Variants in PRAG1 observed in about 807,000 individuals in gnomAD.
PRAG1 encodes the protein PEAK1 related, kinase-activating pseudokinase 1, also known as inactive tyrosine-protein kinase PRAG1.
A neutral mutation model predicts 95.6 loss-of-function variants in PRAG1; 110 were observed. The ratio of observed to expected loss-of-function variants is 1.15; its 90% CI spans 0.99 to 1.35. PRAG1 has a LOEUF of 1.35. Ranked by LOEUF, PRAG1 falls within the 40% of genes most tolerant of loss-of-function variation. The probability of loss-of-function intolerance (pLI) is 0.00; values close to 1 mark genes in which losing one functional copy is unlikely to be tolerated. For missense variants in PRAG1, 2,554 were observed against 1,864.7 expected (o/e 1.37, Z -6.81); for synonymous variants, 1,052 against 819.4 (o/e 1.28, Z -4.85).
Position 8,381,705 on chromosome 8 carries a change from A to G in PRAG1, c.43T>C (p.Ser15Pro). ...LCLNPESLKM[S>P]ACSDFVEHIW... ...TGCTCCACAAAGTCACTGCACGCAGACATTTTCAGGCTCTCGGGGTTCAGG... is the reference window on the plus strand; with the variant it reads ...TGCTCCACAAAGTCACTGCACGCAGGCATTTTCAGGCTCTCGGGGTTCAGG... The change falls in exon 2 of 6, where the codon TCT becomes CCT. Residue 15 changes from serine to proline, a missense_variant. By Grantham distance (74) the Ser-to-Pro change is moderately conservative. Coordinates refer to ENST00000615670, the MANE Select transcript of PRAG1 (RefSeq NM_001080826.3). 1 of 1,607,148 alleles carries G rather than the reference A, an allele frequency of 6.2e-7. No individual in the cohort carries two copies. The highest frequency in any genetic ancestry group is 1.1e-5 in the South Asian group (1 of 90,758).
chr8:8,330,348 A>G (rs1258956287), intron 4 of PRAG1, among the ~76,000 whole-genome samples: 1 of 152,236 alleles, frequency 6.6e-6, no homozygotes. Context: ...CCTGGGCTAT[A>G]GAGTGAGACT....
rs553232509 is a variant in PRAG1 at position 8,369,392 on chromosome 8, A to G, written c.2162+6855T>C. On this transcript the variant is annotated intron_variant, in intron 3 of 5. Transcript: ENST00000615670. ...AAAAGATACACTGTGTTAACAGCCA[A>G]AATGGAGGCCTGTACAGAGTACTGG... Among the ~76,000 whole-genome samples, 28 of 152,302 alleles carry G rather than the reference A, an allele frequency of 1.8e-4. 1 individual carries two copies. Among genetic ancestry groups the G allele is most frequent in the Middle Eastern group, 6.8e-3 (2 of 294 alleles).
chr8:8,332,696 G>A (rs938301480), intron 4 of PRAG1, among the ~76,000 whole-genome samples: 1 of 131,388 alleles, frequency 7.6e-6, no homozygotes, highest in Non-Finnish European at 1.5e-5. Flanking sequence ...TAATACTCTT[G>A]GGGATACTTT....
chr8:8,338,184 C>A (rs1412998900), intron 4 of PRAG1, among the ~76,000 whole-genome samples: 1 of 152,210 alleles, frequency 6.6e-6, no homozygotes, highest in African/African-American at 2.4e-5. Flanking sequence ...TGCCCAATAT[C>A]CTACCATATC....
intron 4 of PRAG1, among the ~76,000 whole-genome samples, chr8:8,338,741 G>A (rs1799071532): frequency 6.6e-6 from 1 of 152,168 alleles, no homozygotes; most frequent in Admixed American, 6.5e-5. Context: ...ATTGCCTATT[G>A]AGAAGAAATA....
intron 1 of PRAG1, among the ~76,000 whole-genome samples, chr8:8,382,326 G>A (rs1800706222): frequency 6.6e-6 from 1 of 152,226 alleles, no homozygotes; most frequent in South Asian, 2.1e-4. Flanking sequence ...GAGAGGGGAG[G>A]CAGCTTTAGG....
intron 3 of PRAG1, among the ~76,000 whole-genome samples, chr8:8,373,874 T>C (rs1351026325): frequency 6.6e-6 from 1 of 152,210 alleles, no homozygotes; most frequent in Non-Finnish European, 1.5e-5. Context: ...CATAACAAAC[T>C]GGGCCGAAAA....
intron 4 of PRAG1, among the ~76,000 whole-genome samples, chr8:8,332,635 C>T (rs1313684421): frequency 3.3e-5 from 5 of 150,532 alleles, no homozygotes; most frequent in Non-Finnish European, 7.4e-5. Context: ...CCCCACCCCA[C>T]CACCTCCAGG....
Position 8,376,847 on chromosome 8 carries a change from T to C in PRAG1, c.1562A>G (p.Gln521Arg), listed in dbSNP as rs770409168. ...ATGGCTTTCCCTGGAGCTCAGCCCC[T>C]GCCCAGCCGAAGTCTCCTCTTCACC... ...EVGEEETSAG[Q>R]GLSSRESHAH... Residue 521 changes from glutamine to arginine, a missense_variant, in exon 3 of 6, where the codon CAG becomes CGG. By Grantham distance (43) the Gln-to-Arg change is conservative. Coordinates refer to ENST00000615670, the MANE Select transcript of PRAG1 (RefSeq NM_001080826.3). 2 of 1,612,852 alleles carry C rather than the reference T, an allele frequency of 1.2e-6. No individual in the cohort carries two copies. Among genetic ancestry groups the C allele is most frequent in the Non-Finnish European group, 1.7e-6 (2 of 1,180,016 alleles).
At position 8,381,560 on chromosome 8, in the gene PRAG1, C is replaced by T. The variant is rs1290584801; in HGVS notation, c.188G>A (p.Arg63Lys). 6.2e-7 allele frequency: 1 copy of T among 1,614,208 alleles called. No homozygotes were observed. Among genetic ancestry groups the T allele is most frequent in the Admixed American group, 1.7e-5 (1 of 60,032 alleles). Residue 63 changes from arginine to lysine, a missense_variant, in exon 2 of 6, where the codon AGG (arginine) becomes AAG (lysine). Physicochemically the swap from Arg to Lys is conservative, Grantham distance 26. Transcript: ENST00000615670. The stretch of plus-strand genomic sequence containing the variant: ...ATCTTCCAGGCGGCAGTTCTCAGGC[C>T]TGGGAGGCAGGCGCGGTGGAGGGGG... ...SLPPPPRLPP[R>K]PENCRLEDEG...
chr8:8,384,606 G>T (rs1800790169), intron 1 of PRAG1, among the ~76,000 whole-genome samples: 1 of 69,664 alleles, frequency 1.4e-5, no homozygotes, highest in East Asian at 6.3e-4. Context: ...ACCGCATGCA[G>T]CCAAAAAAAA....
intron 3 of PRAG1, chr8:8,374,747 G>A: frequency 1.0e-6 from 1 of 979,846 alleles, no homozygotes; most frequent in Non-Finnish European, 1.2e-6. Flanking sequence ...CTCCATGGTG[G>A]GCGGCCAGTG....
intron 3 of PRAG1, among the ~76,000 whole-genome samples, chr8:8,355,658 T>A (rs929866458): frequency 3.9e-5 from 6 of 152,074 alleles, no homozygotes; most frequent in African/African-American, 1.4e-4. Context: ...GACAAGAGCA[T>A]CAAAAGGGCA....
chr8:8,318,871 G>GGGAGCC lies in PRAG1; in HGVS notation c.3503_3504insGGCTCC (p.Pro1174_Ala1175dup), dbSNP rs1332466842. On this transcript the variant is annotated inframe_insertion, in exon 6 of 6. Transcript: ENST00000615670. This position sits in a 1 kb window ranked among gnomAD's most constrained non-coding sequence, Gnocchi z 4.2. ...CGGCGGCGGGGGCGGGAGCCGGGGC[G>GGGAGCC]GGGGCGGGGGCGGGCCCGGGGCCGG... 8.9e-5 allele frequency: 36 copies of GGGAGCC among 403,688 alleles called. No individual in the cohort carries two copies. The Admixed American group carries it at 1.8e-3, about 20-fold the overall frequency. The allele number at this position is 403,688 out of a possible 1,614,324, so 25.0% of individuals were successfully genotyped here. A position where few individuals can be genotyped will look rare whatever the true frequency, so the allele number is the denominator to read the frequency against.
chr8:8,324,211 G>C (rs1798561222), intron 5 of PRAG1, among the ~76,000 whole-genome samples: 2 of 152,176 alleles, frequency 1.3e-5, no homozygotes, highest in Non-Finnish European at 2.9e-5. Context: ...GAGCACAGCT[G>C]CCCAGGGGCC....
intron 3 of PRAG1, among the ~76,000 whole-genome samples, chr8:8,341,995 G>C (rs1056020325): frequency 2.0e-5 from 3 of 151,966 alleles, no homozygotes; most frequent in Non-Finnish European, 4.4e-5. Context: ...GCCAGGCATA[G>C]TGGCCTGCGC....
intron 3 of PRAG1, among the ~76,000 whole-genome samples, chr8:8,367,058 C>G (rs1168069659): frequency 1.3e-5 from 2 of 152,078 alleles, no homozygotes; most frequent in Non-Finnish European, 2.9e-5. Flanking sequence ...GCACCCCCAC[C>G]TCCCTACAAC....
At chr8:8,327,633 C>G in intron 5 of PRAG1, 77 bp downstream of exon 5, 1 of 1,490,784 alleles carries the variant, frequency 6.7e-7, no homozygotes. Flanking sequence ...GGTGAAATGA[C>G]TTGCTCAGGC....
intron 4 of PRAG1, among the ~76,000 whole-genome samples, chr8:8,331,575 CTTCT>C (rs1332890617): frequency 4.6e-5 from 7 of 152,290 alleles, no homozygotes; most frequent in Admixed American, 3.9e-4. Flanking sequence ...ATTGTTCTTC[CTTCT>C]ATGTCTAGTT....
Sources: allele counts gnomAD v4.1 joint callset (sites outside exome capture counted in the v4.1 genomes callset), GRCh38; gene constraint gnomAD v4.1.1; non-coding constraint Gnocchi (gnomAD v3.1); transcripts MANE v1.5; gene names NCBI Gene and HGNC (gene_info 2026-07-23, HGNC 2026-07-21).